TBC1D1: variants seen among roughly 807,000 people sequenced by gnomAD.
TBC1D1 encodes TBC1 (tre-2/USP6, BUB2, cdc16) domain family, member 1.
Under a neutral mutation model 125.6 loss-of-function variants are expected in TBC1D1, and 89 were observed. The ratio of observed to expected loss-of-function variants is 0.71; its 90% confidence interval spans 0.60 to 0.85. The LOEUF (loss-of-function observed/expected upper bound fraction) is 0.85, where lower values mean the gene tolerates loss of function less well. TBC1D1 is among the 40% of genes least tolerant of loss of function. The probability of loss-of-function intolerance (pLI) is 0.00; values close to 1 mark genes in which losing one functional copy is unlikely to be tolerated. For synonymous variants in TBC1D1, 565 were observed against 564.1 expected (o/e 1.00, Z -0.02); for missense variants, 1,377 against 1,469.2 (o/e 0.94, Z 1.03).
chr4:38,041,754 G>A (rs1187866234), intron 8 of TBC1D1, among the ~76,000 whole-genome samples: 1 of 152,176 alleles, frequency 6.6e-6, no homozygotes, highest in Non-Finnish European at 1.5e-5. Context: ...ATCTTTTATG[G>A]ACACATACAT....
chr4:37,977,505 AC>A lies in TBC1D1; in HGVS notation c.418-37002del. The A allele has an allele frequency of 1.0e-6, 1 of 992,248 alleles. No individual in the cohort carries two copies. 61.5% of individuals were successfully genotyped at this position (992,248 alleles called of 1,614,324 possible). A position where few individuals can be genotyped will look rare whatever the true frequency, so the allele number is the denominator to read the frequency against. On this transcript the variant is annotated intron_variant, in intron 2 of 19. Coordinates refer to ENST00000261439, the MANE Select transcript of TBC1D1 (RefSeq NM_015173.4). This position sits in a 1 kb window ranked among gnomAD's most constrained non-coding sequence, Gnocchi z 4.3. ...GAGCCGCCGCCCGGCCCGCGATGTC[AC>A]CATTGTTCAGCTGGGTGGCCAAGGT...
intron 3 of TBC1D1, among the ~76,000 whole-genome samples, chr4:38,017,606 TAA>T (rs1743037180): frequency 6.6e-6 from 1 of 152,208 alleles, no homozygotes. Flanking sequence ...CATCAAAGCG[TAA>T]AGAGTTTAGA....
chr4:38,034,120 A>G (rs903615814), intron 7 of TBC1D1, among the ~76,000 whole-genome samples: 3 of 152,224 alleles, frequency 2.0e-5, no homozygotes, highest in Non-Finnish European at 2.9e-5. Flanking sequence ...ATCCCCGCCA[A>G]CCATAAATGG....
At chr4:37,898,238 C>T (rs1715059871) in intron 1 of TBC1D1, among the ~76,000 whole-genome samples, 1 of 152,146 alleles carries the variant, frequency 6.6e-6, no homozygotes, top group African/African-American at 2.4e-5. Flanking sequence ...CCTATTCAAA[C>T]TCTTAAATAT....
intron 15 of TBC1D1, among the ~76,000 whole-genome samples, chr4:38,108,935 C>T (rs1332604635): frequency 6.6e-6 from 1 of 152,160 alleles, no homozygotes; most frequent in African/African-American, 2.4e-5. Flanking sequence ...GGAGCGCTTC[C>T]CCTTCTCCTC....
chr4:38,035,735 C>G (rs752321463), intron 8 of TBC1D1, 37 bp downstream of exon 8: 1 of 1,461,266 alleles, frequency 6.8e-7, no homozygotes, highest in Non-Finnish European at 9.6e-7. Flanking sequence ...GTTGCCAAGT[C>G]TCTGCCAAGT....
chr4:38,002,918 AAGCAGATGGATCCCAGAACAG>A (rs2152408688), intron 2 of TBC1D1, among the ~76,000 whole-genome samples: 1 of 152,300 alleles, frequency 6.6e-6, no homozygotes, highest in East Asian at 1.9e-4. Context: ...CAGTTTAAGA[AAGCAGATGGATCCCAGAACAG>A]ACCTGAAAAC....
chr4:37,942,222 A>G (rs976244950), intron 2 of TBC1D1, among the ~76,000 whole-genome samples: 21 of 152,278 alleles, frequency 1.4e-4, no homozygotes, highest in African/African-American at 5.1e-4. Flanking sequence ...TTGGCTGCAT[A>G]TATATTTAGG....
chr4:37,973,710 T>C (rs1360979753), intron 2 of TBC1D1, among the ~76,000 whole-genome samples: 3 of 152,240 alleles, frequency 2.0e-5, no homozygotes, highest in Admixed American at 1.3e-4. Flanking sequence ...TAGGTCGCTC[T>C]CTAGCTGAAC....
intron 2 of TBC1D1, among the ~76,000 whole-genome samples, chr4:37,966,674 C>A (rs545215591): frequency 6.6e-6 from 1 of 152,018 alleles, no homozygotes; most frequent in Non-Finnish European, 1.5e-5. Flanking sequence ...GATACATGTA[C>A]GAAACGTGCA....
intron 15 of TBC1D1, among the ~76,000 whole-genome samples, chr4:38,107,157 C>A (rs1262862997): frequency 6.6e-6 from 1 of 152,202 alleles, no homozygotes; most frequent in Non-Finnish European, 1.5e-5. Context: ...TCCAGGGACT[C>A]CCCGGGGTCA....
intron 12 of TBC1D1, among the ~76,000 whole-genome samples, chr4:38,065,802 GAC>G (rs2152503223): frequency 1.3e-5 from 2 of 152,036 alleles, no homozygotes; most frequent in African/African-American, 4.8e-5. Context: ...CCTGCCACCA[GAC>G]CCAGCTAATT....
chr4:38,134,691 G>A (rs2152643550), intron 19 of TBC1D1, among the ~76,000 whole-genome samples: 1 of 152,354 alleles, frequency 6.6e-6, no homozygotes, highest in East Asian at 1.9e-4. Flanking sequence ...TGACCTTGTA[G>A]TTTTTTGGTG....
At chr4:38,127,585 T>C (rs1764873900) in intron 18 of TBC1D1, among the ~76,000 whole-genome samples, 1 of 152,154 alleles carries the variant, frequency 6.6e-6, no homozygotes, top group African/African-American at 2.4e-5. Flanking sequence ...GGTTTCGCCA[T>C]GTTGGCCAGG....
intron 10 of TBC1D1, among the ~76,000 whole-genome samples, chr4:38,048,050 A>G (rs1282618923): frequency 6.6e-6 from 1 of 152,214 alleles, no homozygotes; most frequent in Admixed American, 6.5e-5. Context: ...TGCAATTTCT[A>G]GAGTCATTCT....
chr4:38,046,838 G>A (rs1749583455), intron 10 of TBC1D1, among the ~76,000 whole-genome samples: 1 of 152,136 alleles, frequency 6.6e-6, no homozygotes, highest in Non-Finnish European at 1.5e-5. Context: ...TTTGGGTTTT[G>A]TGCTAGGGAG....
chr4:37,932,627 C>A (rs1723495733), intron 2 of TBC1D1, among the ~76,000 whole-genome samples: 1 of 152,306 alleles, frequency 6.6e-6, no homozygotes. Flanking sequence ...CAAATTCCTT[C>A]ATTTTACAGA....
intron 2 of TBC1D1, among the ~76,000 whole-genome samples, chr4:37,940,559 T>A (rs1027332543): frequency 6.6e-6 from 1 of 152,206 alleles, no homozygotes; most frequent in Non-Finnish European, 1.5e-5. Context: ...TCCAACACTA[T>A]GTTGAACAAG....
intron 17 of TBC1D1, among the ~76,000 whole-genome samples, chr4:38,124,470 T>G (rs1764330107): frequency 6.6e-6 from 1 of 152,248 alleles, no homozygotes; most frequent in African/African-American, 2.4e-5. Context: ...AAACTTGTAT[T>G]TAACAAAGTA....
Sources: gnomAD v4.1 joint callset for allele counts (sites outside exome capture counted in the v4.1 genomes callset) on GRCh38, gnomAD v4.1.1 for gene constraint, Gnocchi (gnomAD v3.1) non-coding constraint, MANE v1.5 for transcripts, NCBI Gene and HGNC (gene_info 2026-07-23, HGNC 2026-07-21) for gene names.